The following OSBPL11 variants were observed in gnomAD, a reference collection of about 807,000 sequenced individuals.
OSBPL11 encodes the protein oxysterol-binding protein-related protein 11.
In OSBPL11, 33 loss-of-function variants were observed where a neutral mutation model predicts 84.4. The ratio of observed to expected loss-of-function variants is 0.39; its 90% CI spans 0.30 to 0.52. The LOEUF (loss-of-function observed/expected upper bound fraction) is 0.52. OSBPL11 is among the 20% of genes least tolerant of loss of function. The pLI is 0.72. For synonymous variants in OSBPL11, 276 were observed against 310.2 expected, an observed-to-expected ratio of 0.89 and a Z score of 1.16; for missense variants, 736 against 901.1, an observed-to-expected ratio of 0.82 and a Z score of 2.35.
At chr3:125,582,424 T>A (rs1936442826) in intron 2 of OSBPL11, among the ~76,000 whole-genome samples, 1 of 152,146 alleles carries the variant, frequency 6.6e-6, no homozygotes, top group East Asian at 1.9e-4. Flanking sequence ...GACAATTTGA[T>A]CCCGTTTAAT....
At chr3:125,572,755 T>C (rs1936260536) in intron 5 of OSBPL11, among the ~76,000 whole-genome samples, 1 of 151,100 alleles carries the variant, frequency 6.6e-6, no homozygotes, top group Admixed American at 6.6e-5. Flanking sequence ...TCTGTATAAA[T>C]TACCCAGTCT....
intron 8 of OSBPL11, among the ~76,000 whole-genome samples, chr3:125,557,579 T>C (rs369219797): frequency 1.1e-3 from 171 of 151,870 alleles, no homozygotes; most frequent in African/African-American, 3.9e-3. Context: ...GGTTTCACCA[T>C]GTTGGCCAGG....
At position 125,586,304 on chromosome 3, in the gene OSBPL11, T is replaced by TG. The variant is rs557990774; in HGVS notation, c.165-3327dup. Among the ~76,000 whole-genome samples, 33 of 152,316 alleles carry TG rather than the reference T, an allele frequency of 2.2e-4. No homozygotes were observed. In the South Asian group the frequency reaches 2.9e-3, roughly 13 times the overall value. On this transcript the variant is annotated intron_variant, in intron 1 of 12. Transcript: ENST00000296220. ...TTCTTCAGTCCTCCAAAAACTTCAC[T>TG]GCTCAAGAAACTGGGTATATTTCTA... is the stretch of plus-strand genomic sequence containing the variant.
chr3:125,535,211 CTA>C (rs1184213831), intron 11 of OSBPL11, among the ~76,000 whole-genome samples: 1 of 151,700 alleles, frequency 6.6e-6, no homozygotes, highest in Non-Finnish European at 1.5e-5. Flanking sequence ...ATATTAGGAA[CTA>C]TATGACAATA....
chr3:125,551,182 A>T (rs1473799706), intron 9 of OSBPL11, among the ~76,000 whole-genome samples: 1 of 109,264 alleles, frequency 9.2e-6, no homozygotes, highest in East Asian at 2.7e-4. Flanking sequence ...AAAAAAAAAA[A>T]AAATTAAATT....
intron 2 of OSBPL11, among the ~76,000 whole-genome samples, chr3:125,581,177 C>T (rs1306856936): frequency 1.3e-5 from 2 of 151,734 alleles, no homozygotes; most frequent in Non-Finnish European, 2.9e-5. Context: ...ACTGCAACCT[C>T]TGCCTCCCAG....
At chr3:125,531,004 C>T (rs1007868249) in intron 12 of OSBPL11, among the ~76,000 whole-genome samples, 3 of 150,592 alleles carry the variant, frequency 2.0e-5, no homozygotes, top group East Asian at 1.9e-4. Context: ...TCCCCCAAGA[C>T]GGAGTCTTGC....
At chr3:125,551,157 C>A (rs1214615777) in intron 9 of OSBPL11, among the ~76,000 whole-genome samples, 1 of 120,962 alleles carries the variant, frequency 8.3e-6, no homozygotes, top group Non-Finnish European at 1.6e-5. Context: ...GAGCAAGACC[C>A]TGTTTCTAAA....
At chr3:125,571,414 A>C (rs919346592) in intron 5 of OSBPL11, among the ~76,000 whole-genome samples, 1 of 152,218 alleles carries the variant, frequency 6.6e-6, no homozygotes, top group African/African-American at 2.4e-5. Context: ...AAATTTGCAT[A>C]AGTAACTAGG....
At chr3:125,593,137 G>A (rs1936624791) in intron 1 of OSBPL11, among the ~76,000 whole-genome samples, 3 of 152,164 alleles carry the variant, frequency 2.0e-5, no homozygotes, top group Admixed American at 2.0e-4. Flanking sequence ...AAATGTGAAT[G>A]CCAGGGCCGC....
At chr3:125,546,706 C>T (rs997607902) in intron 10 of OSBPL11, among the ~76,000 whole-genome samples, 1 of 152,008 alleles carries the variant, frequency 6.6e-6, no homozygotes, top group African/African-American at 2.4e-5. Context: ...GCCTGGCCAA[C>T]ATGGTGAAAG....
chr3:125,538,710 C>T lies in OSBPL11; in HGVS notation c.1842-77G>A, dbSNP rs1459992333. 5 of 1,324,250 alleles carry T rather than the reference C, an allele frequency of 3.8e-6. No homozygotes were observed. The East Asian group carries it at 1.2e-4, about 31-fold the overall frequency. The allele number at this position is 1,324,250 out of a possible 1,614,324, so 82.0% of individuals were successfully genotyped here. ...GTTTCTTAGATCTGAAACCCAAGAA[C>T]ACAGCCTGTGAATCCTGTTGAAATT... On this transcript the variant is annotated intron_variant, in intron 10 of 12. Transcript: ENST00000296220.
chr3:125,540,000 A>G (rs1349500180), intron 10 of OSBPL11, among the ~76,000 whole-genome samples: 4 of 152,228 alleles, frequency 2.6e-5, no homozygotes, highest in Non-Finnish European at 4.4e-5. Context: ...AGGACAAAGT[A>G]GAATTCAGGG....
chr3:125,593,619 C>CA (rs34098923), intron 1 of OSBPL11, among the ~76,000 whole-genome samples: 1,105 of 109,768 alleles, frequency 0.01, 6 homozygotes, highest in South Asian at 0.037. Flanking sequence ...GACTCTGCCT[C>CA]AAAAAAAAAA....
chr3:125,551,911 T>C (rs76543554), intron 9 of OSBPL11, among the ~76,000 whole-genome samples: 9 of 152,090 alleles, frequency 5.9e-5, no homozygotes, highest in African/African-American at 2.2e-4. Context: ...ACTCTAGAAA[T>C]TGGAGCGAAA....
intron 8 of OSBPL11, among the ~76,000 whole-genome samples, chr3:125,554,088 T>C (rs1243982546): frequency 6.6e-6 from 1 of 152,196 alleles, no homozygotes; most frequent in Non-Finnish European, 1.5e-5. Flanking sequence ...GAGTAAAATC[T>C]GTATGGAAAG....
intron 1 of OSBPL11, among the ~76,000 whole-genome samples, chr3:125,587,588 A>AGTGGGAAGAAAACTAGGAGT (rs1485221876): frequency 6.6e-6 from 1 of 152,168 alleles, no homozygotes; most frequent in African/African-American, 2.4e-5. Context: ...ACAACTGAGT[A>AGTGGGAAGAAAACTAGGAGT]GTGGGAAGAA....
chr3:125,570,996 G>A (rs1460638359), intron 5 of OSBPL11, among the ~76,000 whole-genome samples: 1 of 152,212 alleles, frequency 6.6e-6, no homozygotes, highest in African/African-American at 2.4e-5. Context: ...AAGAAGACAG[G>A]AAAATGTGGG....
chr3:125,575,572 C>T (rs1222421114), intron 5 of OSBPL11, among the ~76,000 whole-genome samples: 1 of 151,842 alleles, frequency 6.6e-6, no homozygotes, highest in Non-Finnish European at 1.5e-5. Context: ...CTCTGCTACC[C>T]AGGCTGGAGT....
Sources: gnomAD v4.1 joint callset for allele counts (sites outside exome capture counted in the v4.1 genomes callset) on GRCh38, gnomAD v4.1.1 for gene constraint, MANE v1.5 for transcripts, NCBI Gene and HGNC (gene_info 2026-07-23, HGNC 2026-07-21) for gene names.